CDH18: variants seen among roughly 807,000 people sequenced by gnomAD.
CDH18 encodes the protein cadherin 18.
Under a neutral mutation model 67.9 loss-of-function variants are expected in CDH18, and 31 were observed. That is an observed-to-expected ratio of 0.46 (90% CI 0.34 to 0.62). The LOEUF is 0.62. CDH18 is among the 20% of genes least tolerant of loss of function. CDH18 has a pLI of 0.01. For missense variants in CDH18, 890 were observed against 975.5 expected (o/e 0.91, Z 1.17); for synonymous variants, 362 against 347.2 (o/e 1.04, Z -0.48).
At chr5:20,000,280 G>T (rs1736342305) in intron 2 of CDH18, among the ~76,000 whole-genome samples, 1 of 152,116 alleles carries the variant, frequency 6.6e-6, no homozygotes, top group African/African-American at 2.4e-5. Context: ...TCTGATGGTT[G>T]TGTTATAAGA....
At chr5:19,727,373 C>T (rs1038488161) in intron 4 of CDH18, among the ~76,000 whole-genome samples, 1 of 152,062 alleles carries the variant, frequency 6.6e-6, no homozygotes, top group African/African-American at 2.4e-5. Flanking sequence ...TACATATACA[C>T]AGGCATAACA....
rs146966260 is a variant in CDH18, at chr5:19,616,245, G to A, written c.644-3644C>T. On this transcript the variant is annotated intron_variant, in intron 5 of 12. Transcript: ENST00000382275. ...CATAATAGCTGTCTTTTTTTTAACC[G>A]AATAAAATATATATTATGAGTAAAC... is the stretch of plus-strand genomic sequence containing the variant. 3.4e-3 allele frequency among the ~76,000 whole-genome samples: 518 copies of A among 151,452 alleles called. 2 individuals are homozygous for A. The highest frequency in any genetic ancestry group is 0.024 in the Middle Eastern group (7 of 292).
intron 5 of CDH18, among the ~76,000 whole-genome samples, chr5:19,664,354 G>T (rs576993239): frequency 6.6e-6 from 1 of 151,890 alleles, no homozygotes; most frequent in African/African-American, 2.4e-5. Flanking sequence ...CATCACCCCT[G>T]TAATTTGTGA....
intron 5 of CDH18, among the ~76,000 whole-genome samples, chr5:19,617,480 G>A (rs867755483): frequency 6.6e-6 from 1 of 152,102 alleles, no homozygotes; most frequent in Admixed American, 6.5e-5. Flanking sequence ...CAAAAATACA[G>A]AGCAGCAAAA....
chr5:20,472,861 C>T (rs1158977195), intron 1 of CDH18, among the ~76,000 whole-genome samples: 1 of 152,086 alleles, frequency 6.6e-6, no homozygotes, highest in African/African-American at 2.4e-5. Context: ...TTGTGTGTTG[C>T]TTTTCAGTTT....
chr5:19,729,807 C>G (rs1449733598), intron 4 of CDH18, among the ~76,000 whole-genome samples: 3 of 152,146 alleles, frequency 2.0e-5, no homozygotes, highest in Non-Finnish European at 2.9e-5. Flanking sequence ...ATGTATCTTA[C>G]AAGTATATTT....
intron 2 of CDH18, among the ~76,000 whole-genome samples, chr5:19,855,076 A>T (rs561179581): frequency 6.6e-6 from 1 of 151,982 alleles, no homozygotes; most frequent in African/African-American, 2.4e-5. Context: ...ACAAGATTTC[A>T]TTCTTTTTTA....
intron 3 of CDH18, among the ~76,000 whole-genome samples, chr5:19,775,406 T>G (rs995247191): frequency 6.6e-6 from 1 of 152,170 alleles, no homozygotes; most frequent in Non-Finnish European, 1.5e-5. Context: ...AGGAATCTGC[T>G]TCTGTGGATG....
chr5:20,569,342 G>A (rs1758681049), intron 1 of CDH18, among the ~76,000 whole-genome samples: 1 of 152,140 alleles, frequency 6.6e-6, no homozygotes, highest in Non-Finnish European at 1.5e-5. Context: ...AACATGCTCG[G>A]CCAGGCGCCA....
intron 1 of CDH18, chr5:20,305,519 C>A (rs1736346020): frequency 4.2e-6 from 4 of 946,380 alleles, no homozygotes; most frequent in African/African-American, 1.6e-5. Context: ...CGGGGCGCAG[C>A]GGCGCAGGGG....
At chr5:19,864,452 A>G (rs971463047) in intron 2 of CDH18, among the ~76,000 whole-genome samples, 33 of 151,920 alleles carry the variant, frequency 2.2e-4, no homozygotes, top group African/African-American at 4.8e-4. Context: ...TGGGTGCAGC[A>G]CACCATCATG....
At chr5:20,027,315 T>C (rs1328190926) in intron 2 of CDH18, among the ~76,000 whole-genome samples, 1 of 152,218 alleles carries the variant, frequency 6.6e-6, no homozygotes, top group Non-Finnish European at 1.5e-5. Flanking sequence ...GCATAAAGAA[T>C]ACATTTAAAT....
intron 2 of CDH18, among the ~76,000 whole-genome samples, chr5:20,082,522 T>C (rs1343409037): frequency 1.3e-5 from 2 of 152,186 alleles, no homozygotes; most frequent in African/African-American, 4.8e-5. Flanking sequence ...CTATCAAATA[T>C]ACTTTGGGGC....
At chr5:20,549,309 A>G (rs1029762182) in intron 1 of CDH18, among the ~76,000 whole-genome samples, 2 of 152,152 alleles carry the variant, frequency 1.3e-5, no homozygotes, top group Admixed American at 1.3e-4. Context: ...ATATTGACAC[A>G]TTCTATATAT....
intron 1 of CDH18, among the ~76,000 whole-genome samples, chr5:20,328,498 TGTGTGTGTGTGA>T (rs1334913411): frequency 1.4e-4 from 21 of 149,232 alleles, no homozygotes; most frequent in South Asian, 2.1e-4. Context: ...TGTGTGTGTG[TGTGTGTGTGTGA>T]GAGAGAGAGA....
chr5:19,785,435 C>T (rs1775596230), intron 3 of CDH18, among the ~76,000 whole-genome samples: 2 of 150,582 alleles, frequency 1.3e-5, no homozygotes, highest in Non-Finnish European at 3.0e-5. Flanking sequence ...GGCAGATCAC[C>T]TGGGGTTGGG....
Position 20,475,699 on chromosome 5 carries a change from C to T in CDH18, c.-580+99763G>A, listed in dbSNP as rs140032799. Among the ~76,000 whole-genome samples, 696 of 152,178 alleles carry T rather than the reference C, an allele frequency of 4.6e-3. 6 individuals carry two copies. The highest frequency in any genetic ancestry group is 0.016 in the African/African-American group (645 of 41,532). On this transcript the variant is annotated intron_variant, in intron 1 of 14. Transcript: ENST00000507958. ...TATACCATCTACTTACATAACAATTCTTATTGGTTTTCATTTTCTCTAAGA... is the reference window on the plus strand; with the variant it reads ...TATACCATCTACTTACATAACAATTTTTATTGGTTTTCATTTTCTCTAAGA...
chr5:20,341,116 C>G (rs918897838), intron 1 of CDH18, among the ~76,000 whole-genome samples: 10 of 152,076 alleles, frequency 6.6e-5, no homozygotes, highest in African/African-American at 2.2e-4. Flanking sequence ...AGGCAATATC[C>G]CCTTGTGATG....
At chr5:19,760,605 C>T (rs754013835) in intron 3 of CDH18, among the ~76,000 whole-genome samples, 1 of 152,182 alleles carries the variant, frequency 6.6e-6, no homozygotes, top group African/African-American at 2.4e-5. Flanking sequence ...GTTCCTTCCA[C>T]CATTATCCCA....
Sources: gnomAD v4.1 joint callset for allele counts (sites outside exome capture counted in the v4.1 genomes callset) on GRCh38, gnomAD v4.1.1 for gene constraint, MANE v1.5 for transcripts, NCBI Gene and HGNC (gene_info 2026-07-23, HGNC 2026-07-21) for gene names.